Variants in RIMS2 observed in about 807,000 individuals in gnomAD.
RIMS2 encodes the protein regulating synaptic membrane exocytosis 2.
RIMS2 carries 59 observed loss-of-function variants against 174.4 expected under a neutral mutation model. That is an observed-to-expected ratio of 0.34 (90% CI 0.27 to 0.42). The LOEUF is 0.42. Ranked by LOEUF, RIMS2 falls within the 10% of genes least tolerant of loss-of-function variation. The pLI is 1.00. For missense variants in RIMS2, 1,620 were observed against 1,666.3 expected (o/e 0.97, Z 0.48); for synonymous variants, 606 against 572.5 (o/e 1.06, Z -0.84).
At position 104,178,588 on chromosome 8, in the gene RIMS2, C is replaced by G. The variant is rs752995652; in HGVS notation, c.3335-66328C>G. 8.5e-5 allele frequency among the ~76,000 whole-genome samples: 13 copies of G among 152,104 alleles called. No individual in the cohort carries two copies. The South Asian group carries it at 1.0e-3, about 12-fold the overall frequency. Reference sequence around the variant, plus strand: ...ATTACCTAGTCTAGTGTTTGAATAGCCACAGGATGGAATCTTGGGGGAACA... The same window carrying G: ...ATTACCTAGTCTAGTGTTTGAATAGGCACAGGATGGAATCTTGGGGGAACA... On this transcript the variant is annotated intron_variant, in intron 19 of 23. Coordinates refer to ENST00000504942, the Ensembl canonical transcript of RIMS2.
At chr8:103,856,011 G>T (rs962648821) in intron 3 of RIMS2, among the ~76,000 whole-genome samples, 14 of 152,128 alleles carry the variant, frequency 9.2e-5, no homozygotes, top group African/African-American at 3.1e-4. Flanking sequence ...AGGCCAAGAA[G>T]AACTTGTTTT....
At chr8:103,542,673 C>G (rs1349682651) in intron 1 of RIMS2, among the ~76,000 whole-genome samples, 1 of 152,124 alleles carries the variant, frequency 6.6e-6, no homozygotes, top group Non-Finnish European at 1.5e-5. Flanking sequence ...GACCATCCAC[C>G]ATGATCAAGT....
chr8:103,575,686 A>G (rs538226272), intron 1 of RIMS2, among the ~76,000 whole-genome samples: 1 of 145,094 alleles, frequency 6.9e-6, no homozygotes, highest in Admixed American at 6.9e-5. Flanking sequence ...ACACACACAC[A>G]TATATATATA....
intron 3 of RIMS2, among the ~76,000 whole-genome samples, chr8:103,783,366 C>T (rs2098410374): frequency 6.6e-6 from 1 of 150,762 alleles, no homozygotes; most frequent in Non-Finnish European, 1.5e-5. Flanking sequence ...GTGCGCTGCA[C>T]CCACTAACTC....
chr8:104,238,578 G>A (rs1244532538), intron 19 of RIMS2, among the ~76,000 whole-genome samples: 1 of 152,012 alleles, frequency 6.6e-6, no homozygotes, highest in African/African-American at 2.4e-5. Flanking sequence ...GGAATTAAAG[G>A]AGCAAGATGG....
chr8:103,566,313 T>C (rs1331277381), intron 1 of RIMS2, among the ~76,000 whole-genome samples: 2 of 152,180 alleles, frequency 1.3e-5, no homozygotes, highest in African/African-American at 4.8e-5. Context: ...ATTTCCTATT[T>C]CTTCTGTGAC....
At chr8:103,743,977 A>G (rs560083807) in intron 2 of RIMS2, among the ~76,000 whole-genome samples, 2 of 152,316 alleles carry the variant, frequency 1.3e-5, no homozygotes, top group Admixed American at 6.5e-5. Context: ...TCATCCTTAC[A>G]TTCAAGGAGT....
intron 14 of RIMS2, among the ~76,000 whole-genome samples, chr8:103,943,649 T>C (rs867570760): frequency 2.2e-4 from 33 of 152,258 alleles, no homozygotes; most frequent in Middle Eastern, 6.8e-3. Flanking sequence ...AACTCAGAAA[T>C]ATTTTCCAGA....
At chr8:103,880,890 AT>A (rs1478070572) in intron 3 of RIMS2, among the ~76,000 whole-genome samples, 1 of 151,462 alleles carries the variant, frequency 6.6e-6, no homozygotes, top group African/African-American at 2.4e-5. Context: ...AAATTTTAGA[AT>A]TTGGTTGCAA....
At chr8:103,508,402 A>T (rs761324917) in intron 1 of RIMS2, among the ~76,000 whole-genome samples, 2 of 151,588 alleles carry the variant, frequency 1.3e-5, no homozygotes, top group Non-Finnish European at 2.9e-5. Context: ...ATTGTTCTCT[A>T]AGCAAAAATC....
At chr8:103,624,433 A>G (rs1358894915) in intron 1 of RIMS2, among the ~76,000 whole-genome samples, 1 of 152,106 alleles carries the variant, frequency 6.6e-6, no homozygotes, top group Non-Finnish European at 1.5e-5. Flanking sequence ...ACTGAGTTAC[A>G]CCACTGATTT....
intron 19 of RIMS2, among the ~76,000 whole-genome samples, chr8:104,150,177 T>C (rs1180265617): frequency 6.6e-6 from 1 of 152,148 alleles, no homozygotes; most frequent in Non-Finnish European, 1.5e-5. Context: ...CATCTGTCAA[T>C]CTAAAACTTC....
chr8:104,157,169 G>A (rs1372593493), intron 19 of RIMS2, among the ~76,000 whole-genome samples: 1 of 152,110 alleles, frequency 6.6e-6, no homozygotes, highest in Non-Finnish European at 1.5e-5. Context: ...AGTGACTCAA[G>A]TATTGTAGAT....
intron 19 of RIMS2, among the ~76,000 whole-genome samples, chr8:104,170,414 A>G (rs780655968): frequency 4.6e-5 from 7 of 152,086 alleles, no homozygotes; most frequent in Non-Finnish European, 8.8e-5. Context: ...ATTTATCATT[A>G]TATAACATGG....
At chr8:103,908,056 C>G (rs113153218) in intron 4 of RIMS2, among the ~76,000 whole-genome samples, 29,551 of 147,722 alleles carry the variant, frequency 0.2, 3,147 homozygotes, top group Middle Eastern at 0.3. Context: ...CCTTTGTTTT[C>G]TTTCTTGAGA....
intron 16 of RIMS2, among the ~76,000 whole-genome samples, chr8:103,981,208 C>T (rs1295206623): frequency 6.6e-6 from 1 of 152,172 alleles, no homozygotes; most frequent in Non-Finnish European, 1.5e-5. Flanking sequence ...ATCACCACAA[C>T]CCCAGTTCCA....
intron 3 of RIMS2, among the ~76,000 whole-genome samples, chr8:103,876,524 G>C (rs2099137953): frequency 6.6e-6 from 1 of 151,278 alleles, no homozygotes; most frequent in African/African-American, 2.4e-5. Flanking sequence ...GTGGTGATTT[G>C]TGAGATTTTG....
At chr8:104,091,371 C>G (rs1283966994) in intron 19 of RIMS2, among the ~76,000 whole-genome samples, 2 of 151,584 alleles carry the variant, frequency 1.3e-5, no homozygotes, top group African/African-American at 4.8e-5. Context: ...GAAAGAATAG[C>G]AGCTACTTTT....
At chr8:104,084,767 A>C (rs117795520) in intron 19 of RIMS2, among the ~76,000 whole-genome samples, 1 of 152,148 alleles carries the variant, frequency 6.6e-6, no homozygotes, top group Admixed American at 6.6e-5. Context: ...AATACTTACT[A>C]TATGTCAAGA....
Sources: gnomAD v4.1 joint callset for allele counts (sites outside exome capture counted in the v4.1 genomes callset) on GRCh38, gnomAD v4.1.1 for gene constraint, MANE v1.5 for transcripts, NCBI Gene and HGNC (gene_info 2026-07-23, HGNC 2026-07-21) for gene names.